The following PRDM6 variants were observed in gnomAD, a reference collection of about 807,000 sequenced individuals.
PRDM6 encodes the protein putative histone-lysine N-methyltransferase PRDM6.
In PRDM6, 25 loss-of-function variants were observed where a neutral mutation model predicts 60.8. That is an observed-to-expected ratio of 0.41 (90% CI 0.30 to 0.57). The LOEUF (loss-of-function observed/expected upper bound fraction) is 0.57. Among genes scored for constraint, PRDM6 ranks in the 20% least tolerant of loss-of-function variants. PRDM6 has a pLI of 0.27. For synonymous variants in PRDM6, 407 were observed against 357.4 expected (o/e 1.14, Z -1.57); for missense variants, 839 against 821.3 (o/e 1.02, Z -0.26).
At chr5:123,131,200 TAAG>T (rs749841760) in intron 3 of PRDM6, among the ~76,000 whole-genome samples, 1 of 151,934 alleles carries the variant, frequency 6.6e-6, no homozygotes. Flanking sequence ...GGAGGGGAGA[TAAG>T]GAGGGTTTGG....
chr5:123,140,580 G>A (rs1401402541), intron 3 of PRDM6, among the ~76,000 whole-genome samples: 1 of 152,108 alleles, frequency 6.6e-6, no homozygotes, highest in Non-Finnish European at 1.5e-5. Context: ...CCATTTAGAT[G>A]TTGACATGTA....
intron 6 of PRDM6, among the ~76,000 whole-genome samples, chr5:123,179,476 T>A (rs142342233): frequency 1.8e-3 from 268 of 152,356 alleles, no homozygotes; most frequent in African/African-American, 6.2e-3. Context: ...TGGGTGTACA[T>A]CTGTGTTCAT....
intron 5 of PRDM6, among the ~76,000 whole-genome samples, chr5:123,165,911 T>C (rs1051817821): frequency 4.6e-5 from 7 of 152,180 alleles, no homozygotes; most frequent in Middle Eastern, 3.2e-3. Context: ...CTTTGCTAAA[T>C]CCCCAGTTCC....
intron 7 of PRDM6, among the ~76,000 whole-genome samples, chr5:123,184,506 C>T (rs899617043): frequency 6.6e-6 from 1 of 152,164 alleles, no homozygotes; most frequent in African/African-American, 2.4e-5. Context: ...GCGCTTTTCC[C>T]TCCTGACGCA....
chr5:123,100,926 A>G (rs989790893), intron 3 of PRDM6, among the ~76,000 whole-genome samples: 2 of 152,226 alleles, frequency 1.3e-5, no homozygotes, highest in African/African-American at 2.4e-5. Flanking sequence ...CTTAAACAAT[A>G]TGTAAATCTG....
chr5:123,091,585 C>T (rs1322141420), intron 2 of PRDM6, among the ~76,000 whole-genome samples: 1 of 152,186 alleles, frequency 6.6e-6, no homozygotes, highest in African/African-American at 2.4e-5. Flanking sequence ...TGCTTTATAC[C>T]TGCTTCTTTT....
At chr5:123,172,341 T>C (rs548813340) in intron 6 of PRDM6, among the ~76,000 whole-genome samples, 20 of 152,290 alleles carry the variant, frequency 1.3e-4, no homozygotes, top group African/African-American at 4.3e-4. Context: ...AGCATCAACA[T>C]TGCTGTAGCT....
At chr5:123,114,319 G>A (rs1467166394) in intron 3 of PRDM6, among the ~76,000 whole-genome samples, 1 of 152,182 alleles carries the variant, frequency 6.6e-6, no homozygotes, top group Non-Finnish European at 1.5e-5. Context: ...AATTTTCACT[G>A]CTGTGATTTT....
chr5:123,134,568 C>T (rs1385513076), intron 3 of PRDM6, among the ~76,000 whole-genome samples: 2 of 152,168 alleles, frequency 1.3e-5, no homozygotes, highest in East Asian at 3.9e-4. Flanking sequence ...ATAGCACACA[C>T]AGAAAGCTAA....
At position 123,100,908 on chromosome 5, in the gene PRDM6, G is replaced by C. The variant is rs185227747; in HGVS notation, c.900+947G>C. 1.3e-3 allele frequency among the ~76,000 whole-genome samples: 203 copies of C among 152,288 alleles called. 1 individual carries two copies. In the Middle Eastern group the frequency reaches 0.024, roughly 18 times the overall value. ...GCTTATGTAATACAAGATGACAGAAGTCATACCCTTAAACAATATGTAAAT... is the reference window on the plus strand; with the variant it reads ...GCTTATGTAATACAAGATGACAGAACTCATACCCTTAAACAATATGTAAAT... On this transcript the variant is annotated intron_variant, in intron 3 of 7. Transcript: ENST00000407847.
At chr5:123,116,731 C>A (rs1250225893) in intron 3 of PRDM6, among the ~76,000 whole-genome samples, 1 of 152,074 alleles carries the variant, frequency 6.6e-6, no homozygotes, top group Admixed American at 6.5e-5. Flanking sequence ...GACGGTCAGG[C>A]TAGGCTTTGT....
chr5:123,145,979 A>T lies in PRDM6; in HGVS notation c.901-9905A>T, dbSNP rs534657260. Among the ~76,000 whole-genome samples, 6 of 152,346 alleles carry T rather than the reference A, an allele frequency of 3.9e-5. No individual in the cohort carries two copies. In the East Asian group the frequency reaches 1.2e-3, roughly 29 times the overall value. ...GTCTTTAGAAAGTTCTCACTAAAAA[A>T]AAGCGGGTGAGCTCTAGGGCATAGT... On this transcript the variant is annotated intron_variant, in intron 3 of 7. Transcript: ENST00000407847.
chr5:123,126,447 G>A (rs1561832452), intron 3 of PRDM6, among the ~76,000 whole-genome samples: 1 of 151,956 alleles, frequency 6.6e-6, no homozygotes, highest in African/African-American at 2.4e-5. Flanking sequence ...AGAGGGCCAG[G>A]ACTCCAGCAG....
chr5:123,180,032 TGTCTTAGAAA>T, intron 6 of PRDM6, 105 bp from the exon 7 acceptor site: 9 of 1,036,408 alleles, frequency 8.7e-6, no homozygotes, highest in Non-Finnish European at 1.2e-5. Context: ...CTCTATGCCC[TGTCTTAGAAA>T]CTGAGAAAAT....
chr5:123,166,457 TTTTAC>T lies in PRDM6; in HGVS notation c.1154-4308_1154-4304del, dbSNP rs375715730. ...CTAAAATTTATGTTTTTGTTTTTTATTTTACATTTTAATCTTTCTGAAACTGGCAA... is the reference window on the plus strand; with the variant it reads ...CTAAAATTTATGTTTTTGTTTTTTATATTTTAATCTTTCTGAAACTGGCAA... On this transcript the variant is annotated intron_variant, in intron 5 of 7. Coordinates refer to ENST00000407847, the MANE Select transcript of PRDM6 (RefSeq NM_001136239.4). 2.0e-3 allele frequency among the ~76,000 whole-genome samples: 305 copies of T among 151,500 alleles called. 1 individual carries two copies. The highest frequency in any genetic ancestry group is 9.9e-3 in the South Asian group (47 of 4,752).
At chr5:123,135,742 T>A (rs1764937160) in intron 3 of PRDM6, among the ~76,000 whole-genome samples, 1 of 152,190 alleles carries the variant, frequency 6.6e-6, no homozygotes, top group South Asian at 2.1e-4. Flanking sequence ...CATTAAGTCA[T>A]CTCAAACTGC....
rs1406409971 is a variant in PRDM6, at chr5:123,122,760, C to G, written c.900+22799C>G. Among the ~76,000 whole-genome samples, 3 of 151,946 alleles carry G rather than the reference C, an allele frequency of 2.0e-5. No homozygotes were observed. In the East Asian group the frequency reaches 5.8e-4, roughly 29 times the overall value. On this transcript the variant is annotated intron_variant, in intron 3 of 7. Coordinates refer to ENST00000407847, the MANE Select transcript of PRDM6 (RefSeq NM_001136239.4). Reference sequence around the variant, plus strand: ...CTTGGTATTTTCACTGTATTTAATTCTAGTTTTTTTCTTGTGGCAATAAAC... The same window carrying G: ...CTTGGTATTTTCACTGTATTTAATTGTAGTTTTTTTCTTGTGGCAATAAAC...
At chr5:123,158,842 T>C (rs1302911210) in intron 4 of PRDM6, among the ~76,000 whole-genome samples, 2 of 152,180 alleles carry the variant, frequency 1.3e-5, no homozygotes, top group African/African-American at 4.8e-5. Context: ...TGTAGGTTTT[T>C]TTTTTACAGT....
rs193110 is a variant in PRDM6, at chr5:123,111,591, G to C, written c.900+11630G>C. Among the ~76,000 whole-genome samples the C allele has an allele frequency of 2.0e-5, 3 of 152,008 alleles. No individual in the cohort carries two copies. In the South Asian group the frequency reaches 6.2e-4, roughly 32 times the overall value. Reference sequence around the variant, plus strand: ...CGGGCGCCTGTAGTCCCAGCTACTCGGGAGCCTGAGGCAGGAGAATGGCGT... The same window carrying C: ...CGGGCGCCTGTAGTCCCAGCTACTCCGGAGCCTGAGGCAGGAGAATGGCGT... On this transcript the variant is annotated intron_variant, in intron 3 of 7. Transcript: ENST00000407847.
Sources: gnomAD v4.1 joint callset for allele counts (sites outside exome capture counted in the v4.1 genomes callset) on GRCh38, gnomAD v4.1.1 for gene constraint, MANE v1.5 for transcripts, NCBI Gene and HGNC (gene_info 2026-07-23, HGNC 2026-07-21) for gene names.